The following TMEM74 variants were observed in gnomAD, a reference collection of about 807,000 sequenced individuals.
TMEM74 encodes the protein transmembrane protein 74.
Under a neutral mutation model 18.1 loss-of-function variants are expected in TMEM74, and 13 were observed. The ratio of observed to expected loss-of-function variants is 0.72; its 90% CI spans 0.47 to 1.14. TMEM74 has a LOEUF of 1.14. Ranked by LOEUF, TMEM74 falls within the 50% of genes most tolerant of loss-of-function variation. The pLI is 0.00. For missense variants in TMEM74, 372 were observed against 375.9 expected (o/e 0.99, Z 0.09); for synonymous variants, 159 against 146.6 (o/e 1.08, Z -0.61).
In TMEM74 at chr8:108,784,590, G is replaced by A; in HGVS notation, c.509C>T (p.Ser170Leu). 2 of 1,614,154 alleles carry A rather than the reference G, an allele frequency of 1.2e-6. No individual in the cohort carries two copies. Among genetic ancestry groups the A allele is most frequent in the Non-Finnish European group, 1.7e-6 (2 of 1,180,036 alleles). The change falls in exon 2 of 2, where the codon TCA (serine) becomes TTA (leucine). Residue 170 changes from serine (S) to leucine (L), a missense_variant. Ser to Leu is a moderately radical substitution (Grantham distance 145). Coordinates refer to ENST00000297459, the MANE Select transcript of TMEM74 (RefSeq NM_153015.3). ...GAAACCATAGTCTATAGACTTCCCT[G>A]AAGACGTGGCTTCTGAACTTGTATC... Reference protein sequence around the residue: ...EDDTSSEATSSGKSIDYGFIS... With the variant: ...EDDTSSEATSLGKSIDYGFIS...
At chr8:108,737,313 T>C (rs1813758147) in intron 1 of TMEM74, among the ~76,000 whole-genome samples, 1 of 152,190 alleles carries the variant, frequency 6.6e-6, no homozygotes, top group Non-Finnish European at 1.5e-5. Flanking sequence ...TCTTGTTCCT[T>C]TATTTCCTTT....
chr8:108,644,288 C>T (rs1812694363), intron 2 of TMEM74, among the ~76,000 whole-genome samples: 1 of 152,098 alleles, frequency 6.6e-6, no homozygotes, highest in Non-Finnish European at 1.5e-5. Flanking sequence ...GTTAGGATAA[C>T]TGGTCAGCCA....
At chr8:108,778,816 T>C (rs935675181), downstream of TMEM74, among the ~76,000 whole-genome samples, 1 of 152,186 alleles carries the variant, frequency 6.6e-6, no homozygotes, top group African/African-American at 2.4e-5. Context: ...TAAAAAATAT[T>C]TATTCATGTA....
intron 1 of TMEM74, 59 bp from the exon 2 acceptor site, chr8:108,785,196 G>A: frequency 2.2e-6 from 3 of 1,343,348 alleles, no homozygotes; most frequent in Non-Finnish European, 3.0e-6. Context: ...GTACTTCCAG[G>A]AGTGTTGCTC....
intron 2 of TMEM74, among the ~76,000 whole-genome samples, chr8:108,627,325 A>G (rs1812503593): frequency 6.6e-6 from 1 of 151,974 alleles, no homozygotes; most frequent in African/African-American, 2.4e-5. Flanking sequence ...CTGGGAAATG[A>G]TCTATAGTGA....
At chr8:108,720,800 G>T (rs1813580085) in intron 1 of TMEM74, among the ~76,000 whole-genome samples, 1 of 151,944 alleles carries the variant, frequency 6.6e-6, no homozygotes, top group Non-Finnish European at 1.5e-5. Context: ...ACGGAGTCTT[G>T]CTCTGTCGCC....
chr8:108,619,268 A>G (rs574576932), intron 2 of TMEM74, among the ~76,000 whole-genome samples: 26 of 152,320 alleles, frequency 1.7e-4, no homozygotes, highest in Admixed American at 4.6e-4. Context: ...AGCAACTAGG[A>G]GTTTTGAGTA....
intron 1 of TMEM74, among the ~76,000 whole-genome samples, chr8:108,765,923 G>GA (rs199683732): frequency 3.3e-5 from 4 of 120,920 alleles, no homozygotes; most frequent in East Asian, 4.7e-4. Context: ...CTCTAAATGT[G>GA]AAAAAAAAAG....
chr8:108,745,420 T>C (rs1387679298), intron 1 of TMEM74, among the ~76,000 whole-genome samples: 1 of 152,176 alleles, frequency 6.6e-6, no homozygotes, highest in Non-Finnish European at 1.5e-5. Context: ...TATACATATT[T>C]TATATTTCAA....
Position 108,784,659 on chromosome 8 carries a change from C to T in TMEM74, c.440G>A (p.Trp147Ter), listed in dbSNP as rs1814355074. The T allele has an allele frequency of 6.2e-7, 1 of 1,614,150 alleles. No individual in the cohort carries two copies. The highest frequency in any genetic ancestry group is 8.5e-7 in the Non-Finnish European group (1 of 1,180,022). The change falls in exon 2 of 2, where the codon TGG becomes TAG. Residue 147 changes from tryptophan to a stop codon, truncating the protein, a stop_gained. Transcript: ENST00000297459. LOFTEE classifies it high-confidence loss of function. ...CAAAGATATGGCAGCCTCTTGGGAC[C>T]ACTCATTTGGATTTTCCCAGCCAAG... ...GELGWENPNE[W>*]SQEAAISLIS...
chr8:108,768,876 T>C (rs1814140133), intron 1 of TMEM74, among the ~76,000 whole-genome samples: 1 of 152,188 alleles, frequency 6.6e-6, no homozygotes, highest in African/African-American at 2.4e-5. Context: ...TTCTTTTCCA[T>C]GTCTTATCCT....
chr8:108,650,132 C>A lies in TMEM74; in HGVS notation n.264+5161G>T, dbSNP rs78500822. Among the ~76,000 whole-genome samples the A allele has an allele frequency of 8.1e-3, 1,233 of 152,250 alleles. 18 individuals carry two copies. The highest frequency in any genetic ancestry group is 0.026 in the African/African-American group (1,088 of 41,550). On this transcript the variant is annotated intron_variant and non_coding_transcript_variant, in intron 2 of 3. Coordinates refer to the TMEM74 transcript ENST00000518838. ...ACATCTCTACTGGGTATCCAATAAG[C>A]TTTTCAAACTTCACTGATCTTCCTT...
At chr8:108,787,394 T>A (rs1338653556) in intron 1 of TMEM74, 82 bp downstream of exon 1, 2 of 152,262 alleles carry the variant, frequency 1.3e-5, no homozygotes, top group Non-Finnish European at 2.9e-5. Flanking sequence ...AGAGCGGGGA[T>A]ATGCGCTCCA....
intron 1 of TMEM74, among the ~76,000 whole-genome samples, chr8:108,754,109 T>C (rs569361692): frequency 6.6e-6 from 1 of 152,180 alleles, no homozygotes; most frequent in South Asian, 2.1e-4. Context: ...AATACACATC[T>C]TTAAATTATC....
rs1554630293 is a variant in TMEM74 at position 108,657,879 on chromosome 8, T to TTAC, written n.120-2443_120-2442insGTA. ...AAAAAAATATATATATATATATATA[T>TTAC]ATATATATATATATATATATATATT... On this transcript the variant is annotated intron_variant and non_coding_transcript_variant, in intron 1 of 3. Coordinates refer to the TMEM74 transcript ENST00000518838. Among the ~76,000 whole-genome samples the TTAC allele has an allele frequency of 2.1e-3, 172 of 82,730 alleles. 25 individuals are homozygous for TTAC. Among genetic ancestry groups the TTAC allele is most frequent in the African/African-American group, 7.0e-3 (154 of 21,934 alleles). 54.3% of individuals were successfully genotyped at this position (82,730 alleles called of 152,430 possible).
chr8:108,622,425 A>G (rs1812453180), intron 2 of TMEM74, among the ~76,000 whole-genome samples: 1 of 152,134 alleles, frequency 6.6e-6, no homozygotes, highest in African/African-American at 2.4e-5. Flanking sequence ...ACACCAATGC[A>G]TGTTTTTTAA....
At chr8:108,720,463 G>C (rs1011358670) in intron 1 of TMEM74, among the ~76,000 whole-genome samples, 3 of 152,120 alleles carry the variant, frequency 2.0e-5, no homozygotes, top group Non-Finnish European at 4.4e-5. Flanking sequence ...TTATTCACTG[G>C]CGTGCCTTTC....
intron 1 of TMEM74, among the ~76,000 whole-genome samples, chr8:108,665,953 A>G (rs1371539853): frequency 6.6e-6 from 1 of 152,232 alleles, no homozygotes; most frequent in African/African-American, 2.4e-5. Flanking sequence ...TAGACTATGC[A>G]TAAGGAATAA....
intron 2 of TMEM74, among the ~76,000 whole-genome samples, chr8:108,649,748 G>A (rs1812754278): frequency 6.6e-6 from 1 of 152,140 alleles, no homozygotes; most frequent in Non-Finnish European, 1.5e-5. Context: ...GGTAGTTTTA[G>A]TTGGTAGTTA....
Sources: gnomAD v4.1 joint callset for allele counts (sites outside exome capture counted in the v4.1 genomes callset) on GRCh38, gnomAD v4.1.1 for gene constraint, MANE v1.5 for transcripts, NCBI Gene and HGNC (gene_info 2026-07-23, HGNC 2026-07-21) for gene names.